DGKI: variants seen among roughly 807,000 people sequenced by gnomAD.
DGKI encodes DAG kinase iota.
Under a neutral mutation model 147.5 loss-of-function variants are expected in DGKI, and 55 were observed. The observed-to-expected ratio is 0.37, with a 90% CI of 0.30 to 0.47. The LOEUF is 0.47. Ranked by LOEUF, DGKI falls within the 20% of genes least tolerant of loss-of-function variation. DGKI has a pLI of 1.00. For synonymous variants in DGKI, 469 were observed against 477.1 expected (o/e 0.98, Z 0.22); for missense variants, 1,007 against 1,323.8 (o/e 0.76, Z 3.71).
Position 137,383,883 on chromosome 7 carries a change from A to T in DGKI, c.*7337T>A, listed in dbSNP as rs1811115662. On this transcript the variant is annotated 3_prime_UTR_variant, in exon 33 of 33. Transcript: ENST00000614521. ...TTTCCAGATCAAACATCCTCCTTCT[A>T]CATATTCACCAATCTGCCCATAAAT... 1 of 151,986 alleles carries T rather than the reference A, an allele frequency of 6.6e-6. No homozygotes were observed. Among genetic ancestry groups the T allele is most frequent in the Non-Finnish European group, 1.5e-5 (1 of 67,940 alleles). 9.4% of individuals were successfully genotyped at this position (151,986 alleles called of 1,614,324 possible). A position where few individuals can be genotyped will look rare whatever the true frequency, so the allele number is the denominator to read the frequency against.
At chr7:137,638,978 C>A (rs886272529) in intron 6 of DGKI, among the ~76,000 whole-genome samples, 3 of 152,044 alleles carry the variant, frequency 2.0e-5, no homozygotes, top group South Asian at 4.1e-4. Flanking sequence ...ATATGAGGTG[C>A]ACATTTACCA....
At chr7:137,432,327 A>T (rs960330769) in intron 28 of DGKI, among the ~76,000 whole-genome samples, 1 of 152,204 alleles carries the variant, frequency 6.6e-6, no homozygotes, top group Non-Finnish European at 1.5e-5. Flanking sequence ...GTGTATTTCA[A>T]GTAATCCTAG....
chr7:137,431,450 T>C (rs1813068728), intron 28 of DGKI, among the ~76,000 whole-genome samples: 1 of 152,114 alleles, frequency 6.6e-6, no homozygotes, highest in Non-Finnish European at 1.5e-5. Flanking sequence ...TGCCAAAGAA[T>C]GTGGAAGCTG....
chr7:137,412,042 C>A, intron 29 of DGKI, 128 bp downstream of exon 29: 1 of 884,964 alleles, frequency 1.1e-6, no homozygotes, highest in East Asian at 2.6e-5. Flanking sequence ...AACATCCTGC[C>A]TCTTCTACCC....
intron 5 of DGKI, among the ~76,000 whole-genome samples, chr7:137,652,635 T>C (rs1289284927): frequency 6.6e-6 from 1 of 152,118 alleles, no homozygotes; most frequent in Non-Finnish European, 1.5e-5. Context: ...GCCCACAACC[T>C]TCCTATTGCT....
chr7:137,813,964 G>A (rs981810803), intron 1 of DGKI, among the ~76,000 whole-genome samples: 8 of 152,134 alleles, frequency 5.3e-5, no homozygotes, highest in Non-Finnish European at 7.3e-5. Flanking sequence ...GGGAAAACAG[G>A]CTCATAATGA....
intron 1 of DGKI, among the ~76,000 whole-genome samples, chr7:137,801,945 G>A (rs1797224818): frequency 1.3e-5 from 2 of 152,148 alleles, no homozygotes; most frequent in African/African-American, 4.8e-5. Context: ...GAGCACACAC[G>A]TGTTCATAGC....
chr7:137,704,380 CACT>C (rs1275898685), intron 1 of DGKI, among the ~76,000 whole-genome samples: 1 of 151,984 alleles, frequency 6.6e-6, no homozygotes, highest in African/African-American at 2.4e-5. Context: ...AGTAAAAATT[CACT>C]ACAGGTGCTG....
In DGKI at chr7:137,517,403, G is replaced by A. The variant is rs539990268; in HGVS notation, c.2248+4463C>T. ...AGGGCGGGAGGGAGGGAGAAAGAGA[G>A]AGAAAGAGAGAGAAAGAAAGAAAGA... is the stretch of plus-strand genomic sequence containing the variant. On this transcript the variant is annotated intron_variant, in intron 21 of 32. Coordinates refer to ENST00000614521, the MANE Select transcript of DGKI (RefSeq NM_001321708.2). 2.2e-3 allele frequency among the ~76,000 whole-genome samples: 318 copies of A among 147,096 alleles called. 4 individuals are homozygous for A. Among genetic ancestry groups the A allele is most frequent in the African/African-American group, 8.0e-3 (302 of 37,516 alleles).
At chr7:137,725,930 T>C (rs769865021) in intron 1 of DGKI, among the ~76,000 whole-genome samples, 1 of 152,226 alleles carries the variant, frequency 6.6e-6, no homozygotes, top group Non-Finnish European at 1.5e-5. Flanking sequence ...TCAGCTCCTA[T>C]TTTTATAGCT....
rs367793370 is a variant in DGKI, at chr7:137,712,909, G to A, written c.402-22907C>T. On this transcript the variant is annotated intron_variant, in intron 1 of 32. Coordinates refer to ENST00000614521, the MANE Select transcript of DGKI (RefSeq NM_001321708.2). ...CAAATAATCAAATTCAAGCTTCCTCGCCACTTAGCAACTTGTTCTGCGAAG... is the reference window on the plus strand; with the variant it reads ...CAAATAATCAAATTCAAGCTTCCTCACCACTTAGCAACTTGTTCTGCGAAG... 7.2e-5 allele frequency among the ~76,000 whole-genome samples: 11 copies of A among 152,034 alleles called. No homozygotes were observed. In the East Asian group the frequency reaches 7.7e-4, roughly 11 times the overall value.
At chr7:137,751,482 T>G (rs1199357800) in intron 1 of DGKI, among the ~76,000 whole-genome samples, 1 of 152,226 alleles carries the variant, frequency 6.6e-6, no homozygotes, top group Non-Finnish European at 1.5e-5. Context: ...TCATATATTT[T>G]TATCATATGT....
At chr7:137,653,116 GTGTA>G (rs756834849) in intron 5 of DGKI, among the ~76,000 whole-genome samples, 6 of 152,232 alleles carry the variant, frequency 3.9e-5, no homozygotes, top group Non-Finnish European at 5.9e-5. Context: ...GTGTGTGTGT[GTGTA>G]TGTGTGTTTG....
At chr7:137,570,077 G>A (rs1818741844) in intron 19 of DGKI, among the ~76,000 whole-genome samples, 2 of 152,110 alleles carry the variant, frequency 1.3e-5, no homozygotes, top group African/African-American at 4.8e-5. Flanking sequence ...GAGTAAAAGA[G>A]AGACCTATTT....
intron 19 of DGKI, among the ~76,000 whole-genome samples, chr7:137,566,575 T>C (rs1014442622): frequency 2.6e-5 from 4 of 152,210 alleles, no homozygotes; most frequent in African/African-American, 7.2e-5. Context: ...GATTCAATCA[T>C]GCATTTGATG....
At position 137,537,413 on chromosome 7, in the gene DGKI, T is replaced by G. The variant is rs141331248; in HGVS notation, c.2147+14956A>C. 2.0e-5 allele frequency among the ~76,000 whole-genome samples: 3 copies of G among 152,266 alleles called. No homozygotes were observed. The East Asian group carries it at 5.8e-4, about 29-fold the overall frequency. On this transcript the variant is annotated intron_variant, in intron 20 of 32. Coordinates refer to ENST00000614521, the MANE Select transcript of DGKI (RefSeq NM_001321708.2). ...ATGAAATGTTCTGCTTTTTTTCCCT[T>G]TTTAGAAGTACTCCCCATTCATGGA...
At position 137,552,539 on chromosome 7, in the gene DGKI, C is replaced by G; in HGVS notation, c.1977G>C (p.Glu659Asp). The change falls in exon 20 of 33, where the codon GAG (glutamate) becomes GAC (aspartate). Residue 659 changes from glutamate (E) to aspartate (D), a missense_variant. Glu to Asp is a conservative substitution (Grantham distance 45, BLOSUM62 2). Coordinates refer to ENST00000614521, the MANE Select transcript of DGKI (RefSeq NM_001321708.2). ...TGACTTCTCGACACTGGTGTAGCCT[C>G]TCTCCATGGCCCCCAACTTGCAGGG... ...LAALQVGGHGERLHQCREVML... is the reference protein window; with the variant it reads ...LAALQVGGHGDRLHQCREVML... 1 of 1,614,146 alleles carries G rather than the reference C, an allele frequency of 6.2e-7. No homozygotes were observed. The highest frequency in any genetic ancestry group is 8.5e-7 in the Non-Finnish European group (1 of 1,180,022).
At chr7:137,642,043 T>G (rs1821645167) in intron 6 of DGKI, among the ~76,000 whole-genome samples, 1 of 137,766 alleles carries the variant, frequency 7.3e-6, no homozygotes, top group Non-Finnish European at 1.6e-5. Flanking sequence ...ATCAGAGACA[T>G]GTTTACAGCA....
intron 20 of DGKI, among the ~76,000 whole-genome samples, chr7:137,523,462 C>T (rs1817035994): frequency 1.3e-5 from 2 of 151,922 alleles, no homozygotes; most frequent in African/African-American, 4.8e-5. Context: ...CACACACACA[C>T]AGACAGAGAG....
Sources: gnomAD v4.1 joint callset for allele counts (sites outside exome capture counted in the v4.1 genomes callset) on GRCh38, gnomAD v4.1.1 for gene constraint, MANE v1.5 for transcripts, NCBI Gene and HGNC (gene_info 2026-07-23, HGNC 2026-07-21) for gene names.